The following RSL1D1 variants were observed in gnomAD, a reference collection of about 807,000 sequenced individuals.
The protein encoded by RSL1D1 is ribosomal L1 domain-containing protein 1.
In RSL1D1, 34 loss-of-function variants were observed where a neutral mutation model predicts 44.6. The observed-to-expected ratio is 0.76, with a 90% CI of 0.58 to 1.02. The LOEUF (loss-of-function observed/expected upper bound fraction) is 1.02. Ranked by LOEUF, RSL1D1 falls within the 50% of genes least tolerant of loss-of-function variation. RSL1D1 has a pLI of 0.00. For missense variants in RSL1D1, 767 were observed against 568.1 expected, an observed-to-expected ratio of 1.35 and a Z score of -3.56; for synonymous variants, 271 against 207.4, an observed-to-expected ratio of 1.31 and a Z score of -2.63.
intron 5 of RSL1D1, among the ~76,000 whole-genome samples, chr16:11,843,280 A>C (rs1055382401): frequency 1.3e-5 from 2 of 151,656 alleles, no homozygotes; most frequent in Admixed American, 6.6e-5. Flanking sequence ...TGTGTTGGCC[A>C]GACTGGTCTC....
At chr16:11,843,255 G>A (rs2053775474) in intron 5 of RSL1D1, among the ~76,000 whole-genome samples, 1 of 151,674 alleles carries the variant, frequency 6.6e-6, no homozygotes, top group Non-Finnish European at 1.5e-5. Context: ...ATTTTTAGTA[G>A]AGATGGGGTT....
At chr16:11,848,729 A>G (rs2053815885) in intron 2 of RSL1D1, among the ~76,000 whole-genome samples, 1 of 151,934 alleles carries the variant, frequency 6.6e-6, no homozygotes, top group East Asian at 1.9e-4. Context: ...TGTGGGCTCA[A>G]GCAATCCACC....
chr16:11,844,364 C>T (rs2053784025), intron 5 of RSL1D1, among the ~76,000 whole-genome samples: 1 of 152,212 alleles, frequency 6.6e-6, no homozygotes, highest in Non-Finnish European at 1.5e-5. Context: ...GACTGCTGCT[C>T]CTTTACCTGC....
At chr16:11,838,465 G>A (rs2053737875) in intron 8 of RSL1D1, among the ~76,000 whole-genome samples, 1 of 151,990 alleles carries the variant, frequency 6.6e-6, no homozygotes, top group South Asian at 2.1e-4. Flanking sequence ...GCCCGGCCAA[G>A]TTACTGTTTT....
chr16:11,834,318 CTTT>C lies in RSL1D1; in HGVS notation c.*3466_*3468del, dbSNP rs2053702597. 1 of 152,188 alleles carries C rather than the reference CTTT, an allele frequency of 6.6e-6. No individual in the cohort carries two copies. Among genetic ancestry groups the C allele is most frequent in the South Asian group, 2.1e-4 (1 of 4,834 alleles). 9.4% of individuals were successfully genotyped at this position (152,188 alleles called of 1,614,324 possible). A position where few individuals can be genotyped will look rare whatever the true frequency, so the allele number is the denominator to read the frequency against. On this transcript the variant is annotated 3_prime_UTR_variant, in exon 9 of 9. Coordinates refer to ENST00000571133, the MANE Select transcript of RSL1D1 (RefSeq NM_015659.3). ...ACAGTACTCATTACATGTGTCAACA[CTTT>C]ATTATAAGATAGGTTTTATGTTAGA...
chr16:11,840,170 T>C (rs2053755509), intron 7 of RSL1D1, among the ~76,000 whole-genome samples, 185 bp from the exon 8 acceptor site: 1 of 152,212 alleles, frequency 6.6e-6, no homozygotes, highest in African/African-American at 2.4e-5. Flanking sequence ...CAGCCAAACA[T>C]GCATTTTATG....
At chr16:11,846,029 GA>G (rs2141253957) in intron 5 of RSL1D1, among the ~76,000 whole-genome samples, 1 of 151,810 alleles carries the variant, frequency 6.6e-6, no homozygotes, top group East Asian at 2.0e-4. Flanking sequence ...CACTGCACCT[GA>G]CCCGAGAATT....
In RSL1D1 at chr16:11,840,062, C is replaced by G. The variant is rs2053754633; in HGVS notation, c.856-77G>C. The G allele has an allele frequency of 1.2e-5, 18 of 1,545,672 alleles. No homozygotes were observed. In the Admixed American group the frequency reaches 3.6e-4, roughly 31 times the overall value. Reference sequence around the variant, plus strand: ...ACAAACGGCATAGATGTACCACGTGCAGTTTTGATTATCCATAAGCCCCTA... The same window carrying G: ...ACAAACGGCATAGATGTACCACGTGGAGTTTTGATTATCCATAAGCCCCTA... On this transcript the variant is annotated intron_variant, in intron 7 of 8. Transcript: ENST00000571133.
At position 11,850,374 on chromosome 16, in the gene RSL1D1, C is replaced by G. The variant is rs11554651; in HGVS notation, c.150G>C (p.Arg50Ser). 1 of 1,601,054 alleles carries G rather than the reference C, an allele frequency of 6.2e-7. No individual in the cohort carries two copies. Residue 50 changes from arginine to serine, a missense_variant, in exon 2 of 9, where the codon AGG becomes AGC. By Grantham distance (110) the Arg-to-Ser change is moderately radical. Coordinates refer to ENST00000571133, the MANE Select transcript of RSL1D1 (RefSeq NM_015659.3). ...VDALLTHCKS[R>S]KNNYGLLLNE... Reference sequence around the variant, plus strand: ...TCAAAAGCAACCCATAATTGTTTTTCCTGGACTTGCAATGCGTCAAGAGAG... The same window carrying G: ...TCAAAAGCAACCCATAATTGTTTTTGCTGGACTTGCAATGCGTCAAGAGAG...
chr16:11,839,037 G>A (rs1215653917), intron 8 of RSL1D1, among the ~76,000 whole-genome samples: 1 of 152,106 alleles, frequency 6.6e-6, no homozygotes, highest in Non-Finnish European at 1.5e-5. Context: ...CCTGGCACAT[G>A]GTGTAGGGCA....
chr16:11,839,199 C>T (rs2053744978), intron 8 of RSL1D1, among the ~76,000 whole-genome samples: 1 of 151,972 alleles, frequency 6.6e-6, no homozygotes, highest in African/African-American at 2.4e-5. Context: ...AACCCCGTCT[C>T]TACCAAAAAC....
chr16:11,838,233 G>A (rs946955321), intron 8 of RSL1D1, 120 bp from the exon 9 acceptor site: 15 of 858,600 alleles, frequency 1.7e-5, no homozygotes, highest in African/African-American at 1.4e-4. Context: ...CGCTCTTGCT[G>A]CCCATGCTAG....
rs868785769 is a variant in RSL1D1, at chr16:11,839,689, C to A, written c.1146+6G>T. On this transcript the variant is annotated splice_donor_region_variant and intron_variant, in intron 8 of 8. Coordinates refer to ENST00000571133, the MANE Select transcript of RSL1D1 (RefSeq NM_015659.3). ...CCATTATGAACAGTAAATATTAAAA[C>A]AATACCTCTACTTTTTCATTAGCTG... 1.2e-6 allele frequency: 2 copies of A among 1,613,510 alleles called. No homozygotes were observed. The highest frequency in any genetic ancestry group is 1.7e-4 in the Middle Eastern group (1 of 6,060).
At position 11,840,902 on chromosome 16, in the gene RSL1D1, A is replaced by T. The variant is rs2053760299; in HGVS notation, c.855+793T>A. On this transcript the variant is annotated intron_variant, in intron 7 of 8. Coordinates refer to ENST00000571133, the MANE Select transcript of RSL1D1 (RefSeq NM_015659.3). ...TGCCTGTTACCCTTTTCCCTGAGCT[A>T]TCAGGATTAAACTCCAGCCACCTAC... Among the ~76,000 whole-genome samples, 3 of 152,222 alleles carry T rather than the reference A, an allele frequency of 2.0e-5. No individual in the cohort carries two copies. In the South Asian group the frequency reaches 6.2e-4, roughly 31 times the overall value.
intron 8 of RSL1D1, among the ~76,000 whole-genome samples, chr16:11,839,371 A>AAAAGC (rs1359736615): frequency 5.4e-5 from 7 of 129,324 alleles, no homozygotes; most frequent in Non-Finnish European, 8.1e-5. Context: ...ATCTTCAAAA[A>AAAAGC]AAAGCAAAGC....
intron 8 of RSL1D1, among the ~76,000 whole-genome samples, chr16:11,839,171 G>C (rs994549131): frequency 1.3e-5 from 2 of 152,030 alleles, no homozygotes; most frequent in Non-Finnish European, 2.9e-5. Flanking sequence ...TTCAAGACCA[G>C]CCTGGCCAAC....
chr16:11,841,114 A>G (rs1483245845), intron 7 of RSL1D1, among the ~76,000 whole-genome samples: 1 of 152,200 alleles, frequency 6.6e-6, no homozygotes, highest in Non-Finnish European at 1.5e-5. Context: ...CCCCCTCAAA[A>G]GCCAGTTAAT....
intron 8 of RSL1D1, 131 bp downstream of exon 8, chr16:11,839,563 AT>A: frequency 2.7e-6 from 3 of 1,120,960 alleles, no homozygotes; most frequent in Non-Finnish European, 3.7e-6. Flanking sequence ...ATAAATCATG[AT>A]ATGATAACCA....
At chr16:11,839,318 A>T (rs1169281539) in intron 8 of RSL1D1, among the ~76,000 whole-genome samples, 1 of 150,968 alleles carries the variant, frequency 6.6e-6, no homozygotes, top group Non-Finnish European at 1.5e-5. Context: ...GTGAGCTGAG[A>T]TCATGCCACT....
Sources: gnomAD v4.1 joint callset for allele counts (sites outside exome capture counted in the v4.1 genomes callset) on GRCh38, gnomAD v4.1.1 for gene constraint, MANE v1.5 for transcripts, NCBI Gene and HGNC (gene_info 2026-07-23, HGNC 2026-07-21) for gene names.